The following LAMC3 variants were observed in gnomAD, a reference collection of about 807,000 sequenced individuals.
LAMC3 encodes laminin subunit gamma-3.
In LAMC3, 128 loss-of-function variants were observed where a neutral mutation model predicts 173.8. The observed-to-expected ratio is 0.74, with a 90% confidence interval of 0.64 to 0.85. LAMC3 has a LOEUF of 0.85. Among genes scored for constraint, LAMC3 ranks in the 40% least tolerant of loss-of-function variants. The pLI is 0.00. For missense variants in LAMC3, 2,022 were observed against 2,156.0 expected (o/e 0.94, Z 1.23); for synonymous variants, 897 against 909.1 (o/e 0.99, Z 0.24).
rs537049539 is a variant in LAMC3, at chr9:131,080,906, T to C, written c.3928-1153T>C. On this transcript the variant is annotated intron_variant, in intron 23 of 27. Coordinates refer to ENST00000361069, the MANE Select transcript of LAMC3 (RefSeq NM_006059.4). ...GGCTCCTCAAACTACTATTTATTTA[T>C]TCTTGTTACAGTGACATTCACGTGG... is the stretch of plus-strand genomic sequence containing the variant. 3.0e-4 allele frequency among the ~76,000 whole-genome samples: 46 copies of C among 152,324 alleles called. 1 individual carries two copies. The South Asian group carries it at 8.1e-3, about 27-fold the overall frequency.
chr9:131,059,610 C>T (rs1829769140), intron 12 of LAMC3, among the ~76,000 whole-genome samples: 1 of 148,150 alleles, frequency 6.7e-6, no homozygotes, highest in East Asian at 2.1e-4. Flanking sequence ...CCATGGCAAG[C>T]ATTGATAATC....
In LAMC3 at chr9:131,036,323, G is replaced by A. The variant is rs780027053; in HGVS notation, c.967G>A (p.Glu323Lys). The A allele has an allele frequency of 9.3e-6, 15 of 1,612,612 alleles. No individual in the cohort carries two copies. The highest frequency in any genetic ancestry group is 2.2e-5 in the East Asian group (1 of 44,874). The change falls in exon 4 of 28, where the codon GAG (glutamate) becomes AAG (lysine). Residue 323 changes from glutamate to lysine, a missense_variant. Transcript: ENST00000361069. ...WARGTAEAAH[E>K]CLPCNCSGRS... ...CCGGGGCACCGCCGAGGCTGCCCACGAGTGTCTGCGTGAGTGTCTGAGTGT... is the reference window on the plus strand; with the variant it reads ...CCGGGGCACCGCCGAGGCTGCCCACAAGTGTCTGCGTGAGTGTCTGAGTGT...
intron 13 of LAMC3, 105 bp from the exon 14 acceptor site, chr9:131,066,855 C>A: frequency 6.8e-7 from 1 of 1,475,278 alleles, no homozygotes; most frequent in South Asian, 1.2e-5. Flanking sequence ...CAAGCCCGTG[C>A]TGCTCCGGGG....
At chr9:131,036,479 G>A in intron 4 of LAMC3, 147 bp downstream of exon 4, 1 of 903,492 alleles carries the variant, frequency 1.1e-6, no homozygotes, top group Non-Finnish European at 1.8e-6. Context: ...CAGAGATAAG[G>A]ACGAGCAGAA....
intron 8 of LAMC3, among the ~76,000 whole-genome samples, chr9:131,046,342 A>T (rs1834158495): frequency 6.6e-6 from 1 of 150,742 alleles, no homozygotes; most frequent in Admixed American, 6.6e-5. Flanking sequence ...AGCTAGGACC[A>T]CAGGTGTGCA....
intron 13 of LAMC3, 66 bp from the exon 14 acceptor site, chr9:131,066,894 C>T: frequency 6.3e-7 from 1 of 1,589,038 alleles, no homozygotes; most frequent in Non-Finnish European, 8.6e-7. Context: ...CTCTGCTTCA[C>T]ACCCACCCTC....
rs2133193063 is a variant in LAMC3 at position 131,009,337 on chromosome 9, C to T, written c.123C>T (p.Asn41=). The change falls in exon 1 of 28, where the codon AAC becomes AAT. Residue 41 remains asparagine (N), a synonymous_variant. Transcript: ENST00000361069. This position sits in a 1 kb window ranked among gnomAD's most constrained non-coding sequence, Gnocchi z 4.3. The part of the protein sequence containing the change: ...RPQRCLPVFE[N]AAFGRLAQAS... ...AGCGCTGCCTGCCGGTGTTCGAGAA[C>T]GCGGCGTTTGGGCGGCTCGCCCAGG... 2.0e-6 allele frequency: 3 copies of T among 1,491,496 alleles called. No homozygotes were observed. The highest frequency in any genetic ancestry group is 2.7e-6 in the Non-Finnish European group (3 of 1,127,724). The allele number at this position is 1,491,496 out of a possible 1,614,324, so 92.4% of individuals were successfully genotyped here. A position where few individuals can be genotyped will look rare whatever the true frequency, so the allele number is the denominator to read the frequency against.
In LAMC3 at chr9:131,009,382, C is replaced by G. The variant is rs928856512; in HGVS notation, c.168C>G (p.Ser56Arg). The change falls in exon 1 of 28, where the codon AGC (serine) becomes AGG (arginine). Residue 56 changes from serine to arginine, a missense_variant. By Grantham distance (110) the Ser-to-Arg change is moderately radical (BLOSUM62 -1). Coordinates refer to ENST00000361069, the MANE Select transcript of LAMC3 (RefSeq NM_006059.4). This position sits in a 1 kb window ranked among gnomAD's most constrained non-coding sequence, Gnocchi z 4.3. ...CCCAGGCCTCGCACACGTGCGGCAG[C>G]CCGCCCGAGGACTTCTGTCCCCACG... The part of the protein sequence containing the change: ...RLAQASHTCG[S>R]PPEDFCPHVG... 2 of 1,527,614 alleles carry G rather than the reference C, an allele frequency of 1.3e-6. No homozygotes were observed. Among genetic ancestry groups the G allele is most frequent in the Non-Finnish European group, 1.8e-6 (2 of 1,141,722 alleles). 94.6% of individuals were successfully genotyped at this position (1,527,614 alleles called of 1,614,324 possible).
intron 2 of LAMC3, among the ~76,000 whole-genome samples, chr9:131,028,036 C>G (rs987431508): frequency 2.6e-5 from 4 of 152,250 alleles, no homozygotes; most frequent in Non-Finnish European, 5.9e-5. Context: ...GGTCCATGGC[C>G]TGTTAGGAAC....
At chr9:131,089,970 G>GT (rs11351884) in intron 27 of LAMC3, among the ~76,000 whole-genome samples, 11 of 151,668 alleles carry the variant, frequency 7.3e-5, no homozygotes, top group South Asian at 2.1e-4. Flanking sequence ...ATTTATTTTT[G>GT]TTTTTTTGTA....
intron 24 of LAMC3, among the ~76,000 whole-genome samples, chr9:131,083,379 A>C (rs566351622): frequency 6.6e-6 from 1 of 152,212 alleles, no homozygotes; most frequent in Admixed American, 6.5e-5. Context: ...TTCTGATCCC[A>C]TTTTAGAGAC....
chr9:131,085,723 G>T lies in LAMC3; in HGVS notation c.4230G>T (p.Lys1410Asn), dbSNP rs1440545637. Residue 1410 changes from lysine (K) to asparagine (N), a missense_variant and splice_region_variant, in exon 25 of 28, where the codon AAG becomes AAT. Coordinates refer to ENST00000361069, the MANE Select transcript of LAMC3 (RefSeq NM_006059.4). ...EAEVLAKDSA[K>N]LAKALLRERK... ...AGGTGTTGGCCAAGGACAGTGCCAA[G>T]GTCAGGGTGGTGGCTGTGACAACAG... 6.2e-7 allele frequency: 1 copy of T among 1,613,988 alleles called. No individual in the cohort carries two copies.
chr9:131,089,233 G>C (rs1830381633), intron 27 of LAMC3, among the ~76,000 whole-genome samples: 2 of 150,824 alleles, frequency 1.3e-5, no homozygotes, highest in South Asian at 4.2e-4. Flanking sequence ...TAAATGACCA[G>C]TTAATGGGTG....
chr9:131,051,762 A>C (rs1010110630), intron 9 of LAMC3, among the ~76,000 whole-genome samples: 6 of 151,896 alleles, frequency 4.0e-5, no homozygotes, highest in Non-Finnish European at 8.8e-5. Context: ...CCAACATGGC[A>C]CACCTCTGTG....
chr9:131,078,104 C>T (rs1391921437), intron 22 of LAMC3, among the ~76,000 whole-genome samples: 3 of 152,194 alleles, frequency 2.0e-5, no homozygotes, highest in Admixed American at 1.3e-4. Context: ...CCCCTCTGTG[C>T]TCATCGCCTT....
chr9:131,073,403 C>A, intron 20 of LAMC3, 82 bp downstream of exon 20: 1 of 1,054,628 alleles, frequency 9.5e-7, no homozygotes, highest in Non-Finnish European at 1.5e-6. Context: ...CAGGTGCCCC[C>A]ACCCAGAAGT....
At chr9:131,085,416 C>A in intron 24 of LAMC3, 108 bp from the exon 25 acceptor site, 2 of 1,102,962 alleles carry the variant, frequency 1.8e-6, no homozygotes, top group South Asian at 1.3e-5. Flanking sequence ...GACCTCCACT[C>A]GTTGTCCAAG....
Position 131,038,938 on chromosome 9 carries a change from C to T in LAMC3, c.1051C>T (p.Arg351Cys), listed in dbSNP as rs201626968. ...CTTCCGCAGCACAGGCCACGGCGGG[C>T]GCTGTCACCACTGCCGTGACCACAC... The part of the protein sequence containing the change: ...ELFRSTGHGG[R>C]CHHCRDHTAG... The change falls in exon 5 of 28, where the codon CGC (arginine) becomes TGC (cysteine). Residue 351 changes from arginine to cysteine, a missense_variant. Physicochemically the swap from Arg to Cys is radical, Grantham distance 180. Transcript: ENST00000361069. The T allele has an allele frequency of 1.6e-4, 251 of 1,613,010 alleles. No homozygotes were observed. The highest frequency in any genetic ancestry group is 1.9e-4 in the Non-Finnish European group (224 of 1,179,938).
At chr9:131,028,312 G>T (rs151084103) in intron 2 of LAMC3, among the ~76,000 whole-genome samples, 1 of 152,264 alleles carries the variant, frequency 6.6e-6, no homozygotes, top group Non-Finnish European at 1.5e-5. Flanking sequence ...GAAAAGGTTG[G>T]AGTACCGCTG....
Sources: gnomAD v4.1 joint callset for allele counts (sites outside exome capture counted in the v4.1 genomes callset) on GRCh38, gnomAD v4.1.1 for gene constraint, Gnocchi (gnomAD v3.1) non-coding constraint, MANE v1.5 for transcripts, NCBI Gene and HGNC (gene_info 2026-07-23, HGNC 2026-07-21) for gene names.